Variants in MACC1 observed in about 807,000 individuals in gnomAD.
The protein encoded by MACC1 is metastasis-associated in colon cancer protein 1.
Under a neutral mutation model 70.7 loss-of-function variants are expected in MACC1, and 79 were observed. The ratio of observed to expected loss-of-function variants is 1.12; its 90% CI spans 0.93 to 1.35. The LOEUF (loss-of-function observed/expected upper bound fraction) is 1.35. Among genes scored for constraint, MACC1 ranks in the 40% most tolerant of loss-of-function variants. The pLI is 0.00. For synonymous variants in MACC1, 361 were observed against 347.2 expected (o/e 1.04, Z -0.44); for missense variants, 1,106 against 978.1 (o/e 1.13, Z -1.74).
chr7:20,201,010 GATTTC>G (rs1782824952), intron 1 of MACC1, among the ~76,000 whole-genome samples: 1 of 152,136 alleles, frequency 6.6e-6, no homozygotes, highest in Non-Finnish European at 1.5e-5. Context: ...TGGTGGGATG[GATTTC>G]TATTATTATG....
intron 1 of MACC1, among the ~76,000 whole-genome samples, chr7:20,211,480 G>A (rs970620129): frequency 3.9e-5 from 6 of 152,188 alleles, no homozygotes; most frequent in East Asian, 1.9e-4. Context: ...GTTGAGAAAC[G>A]GAGAGGTTGA....
At chr7:20,209,477 A>T (rs796773223) in intron 1 of MACC1, among the ~76,000 whole-genome samples, 7 of 152,352 alleles carry the variant, frequency 4.6e-5, no homozygotes, top group African/African-American at 1.7e-4. Context: ...TCAGACTTGC[A>T]TGGGGCCTAG....
intron 1 of MACC1, among the ~76,000 whole-genome samples, chr7:20,194,334 G>A (rs966563906): frequency 3.3e-5 from 5 of 152,122 alleles, no homozygotes; most frequent in Non-Finnish European, 7.4e-5. Context: ...ATGTCAGAAG[G>A]CAGGGAGCCC....
In MACC1 at chr7:20,160,243, ATTCTTGTTATT is replaced by A; in HGVS notation, c.116-9_117del. 1 of 1,542,622 alleles carries A rather than the reference ATTCTTGTTATT, an allele frequency of 6.5e-7. No homozygotes were observed. Among genetic ancestry groups the A allele is most frequent in the Non-Finnish European group, 8.7e-7 (1 of 1,151,650 alleles). ...TTGTGAAGCAAGTCTGGGTCCTGGC[ATTCTTGTTATT>A]TAAGGAAAGACAAAGCAAAACAAAG... On this transcript the variant is annotated splice_acceptor_variant and splice_polypyrimidine_tract_variant and coding_sequence_variant and intron_variant, in exon 5 of 7. Coordinates refer to ENST00000400331, the MANE Select transcript of MACC1 (RefSeq NM_182762.4). LOFTEE classifies it high-confidence loss of function.
chr7:20,149,010 A>T (rs1478514788), intron 6 of MACC1, among the ~76,000 whole-genome samples: 1 of 152,242 alleles, frequency 6.6e-6, no homozygotes. Context: ...TTGATAATTC[A>T]ACATCCCTGT....
intron 1 of MACC1, among the ~76,000 whole-genome samples, chr7:20,196,066 T>G (rs920832817): frequency 1.3e-5 from 2 of 152,206 alleles, no homozygotes; most frequent in African/African-American, 4.8e-5. Flanking sequence ...TTTTCAAGAC[T>G]TCTCTGGGGT....
intron 5 of MACC1, among the ~76,000 whole-genome samples, chr7:20,155,563 G>A (rs1334335698): frequency 6.6e-6 from 1 of 152,166 alleles, no homozygotes; most frequent in African/African-American, 2.4e-5. Flanking sequence ...CTGTGGATAA[G>A]GGGAACTACT....
At chr7:20,162,245 C>T (rs1280861601) in intron 3 of MACC1, among the ~76,000 whole-genome samples, 1 of 151,998 alleles carries the variant, frequency 6.6e-6, no homozygotes, top group Non-Finnish European at 1.5e-5. Flanking sequence ...AAAATTTTCC[C>T]CTAAATCCTT....
At chr7:20,197,408 G>A (rs577400294) in intron 1 of MACC1, among the ~76,000 whole-genome samples, 11 of 152,200 alleles carry the variant, frequency 7.2e-5, no homozygotes, top group African/African-American at 2.2e-4. Context: ...AGAATCACAT[G>A]GCTTTGTGTT....
intron 1 of MACC1, among the ~76,000 whole-genome samples, chr7:20,185,699 C>T (rs1054699254): frequency 1.3e-5 from 2 of 152,102 alleles, no homozygotes; most frequent in African/African-American, 4.8e-5. Context: ...ACGAGACTGT[C>T]CAATGTACGT....
chr7:20,216,420 T>C (rs1783071341), intron 1 of MACC1, among the ~76,000 whole-genome samples: 1 of 152,218 alleles, frequency 6.6e-6, no homozygotes, highest in Admixed American at 6.5e-5. Context: ...AGTTCAATAG[T>C]ATTAAATATA....
Position 20,178,811 on chromosome 7 carries a change from G to T in MACC1, c.-217-8033C>A, listed in dbSNP as rs1056943250. 4.6e-5 allele frequency among the ~76,000 whole-genome samples: 7 copies of T among 152,090 alleles called. 1 individual carries two copies. The highest frequency in any genetic ancestry group is 3.3e-4 in the Admixed American group (5 of 15,268). ...CATGGGGTTTCTCCATGTTGGTCAG[G>T]TTGGTCTCGAACTCCTGACCTCAGA... On this transcript the variant is annotated intron_variant, in intron 1 of 6. Transcript: ENST00000400331.
intron 6 of MACC1, among the ~76,000 whole-genome samples, chr7:20,145,096 G>A (rs1228180602): frequency 1.3e-5 from 2 of 152,126 alleles, no homozygotes; most frequent in Non-Finnish European, 2.9e-5. Context: ...AATGATGTAC[G>A]ATCGGAATAT....
rs1782100450 is a variant in MACC1, at chr7:20,159,073, G to A, written c.1288C>T (p.Pro430Ser). The change falls in exon 5 of 7, where the codon CCA becomes TCA. Residue 430 changes from proline to serine, a missense_variant. Pro to Ser is a moderately conservative substitution (Grantham distance 74, BLOSUM62 -1). Coordinates refer to ENST00000400331, the MANE Select transcript of MACC1 (RefSeq NM_182762.4). Reference protein sequence around the residue: ...WGKQSFLLDKPQDLSISIFSC... With the variant: ...WGKQSFLLDKSQDLSISIFSC... ...AAAATAGAAATACTTAAATCTTGTG[G>A]CTTGTCAAGTAAAAATGACTGCTTC... 1 of 1,613,134 alleles carries A rather than the reference G, an allele frequency of 6.2e-7. No individual in the cohort carries two copies. The highest frequency in any genetic ancestry group is 8.5e-7 in the Non-Finnish European group (1 of 1,179,902).
At chr7:20,147,178 A>G (rs368742008) in intron 6 of MACC1, among the ~76,000 whole-genome samples, 4 of 152,244 alleles carry the variant, frequency 2.6e-5, no homozygotes, top group African/African-American at 9.6e-5. Flanking sequence ...AAGGCAAAAC[A>G]TACATAGTTT....
intron 1 of MACC1, among the ~76,000 whole-genome samples, chr7:20,200,422 G>A (rs1398062689): frequency 6.6e-6 from 1 of 152,118 alleles, no homozygotes; most frequent in African/African-American, 2.4e-5. Context: ...GAGGTTACTG[G>A]GAGACCTTTG....
At chr7:20,193,394 G>A (rs1182725277) in intron 1 of MACC1, among the ~76,000 whole-genome samples, 2 of 152,172 alleles carry the variant, frequency 1.3e-5, no homozygotes, top group African/African-American at 4.8e-5. Flanking sequence ...TATAAACTGT[G>A]ATTACAGTAT....
rs139970249 is a variant in MACC1, at chr7:20,166,608, A to T, written c.-152-2209T>A. Reference sequence around the variant, plus strand: ...AATATTTAAAAGACCTGACAGGGCAAATGTCAGCAGTTACTTTTCCCCAAG... The same window carrying T: ...AATATTTAAAAGACCTGACAGGGCATATGTCAGCAGTTACTTTTCCCCAAG... On this transcript the variant is annotated intron_variant, in intron 2 of 6. Transcript: ENST00000400331. 1.6e-3 allele frequency among the ~76,000 whole-genome samples: 237 copies of T among 152,342 alleles called. 2 individuals are homozygous for T. Among genetic ancestry groups the T allele is most frequent in the African/African-American group, 5.4e-3 (226 of 41,578 alleles).
intron 1 of MACC1, among the ~76,000 whole-genome samples, chr7:20,176,725 C>T (rs3114446): frequency 0.48 from 73,695 of 151,988 alleles, 19,611 homozygotes; most frequent in East Asian, 0.86. Context: ...ACACCCATAC[C>T]GTGAAATATT....
Sources: allele counts gnomAD v4.1 joint callset (sites outside exome capture counted in the v4.1 genomes callset), GRCh38; gene constraint gnomAD v4.1.1; transcripts MANE v1.5; gene names NCBI Gene and HGNC (gene_info 2026-07-23, HGNC 2026-07-21).